Variants in SSH1 observed in about 807,000 individuals in gnomAD.
SSH1 encodes slingshot protein phosphatase 1.
In SSH1, 43 loss-of-function variants were observed where a neutral mutation model predicts 79.7. The ratio of observed to expected loss-of-function variants is 0.54; its 90% CI spans 0.42 to 0.70. The LOEUF (loss-of-function observed/expected upper bound fraction) is 0.70, where lower values mean the gene tolerates loss of function less well. Among genes scored for constraint, SSH1 ranks in the 30% least tolerant of loss-of-function variants. The pLI, the probability that SSH1 is intolerant of heterozygous loss-of-function variation, is 0.00. For synonymous variants in SSH1, 599 were observed against 538.3 expected (o/e 1.11, Z -1.56); for missense variants, 1,206 against 1,358.8 (o/e 0.89, Z 1.77).
chr12:108,789,862 T>C (rs762417478), intron 14 of SSH1, among the ~76,000 whole-genome samples: 20 of 152,152 alleles, frequency 1.3e-4, no homozygotes, highest in Admixed American at 1.1e-3. Context: ...TGTCTCTCTC[T>C]CTTTCAAACA....
Position 108,781,142 on chromosome 12 carries a change from G to C in SSH1, c.*6846C>G, listed in dbSNP as rs1275286334. On this transcript the variant is annotated 3_prime_UTR_variant, in exon 15 of 15. Coordinates refer to ENST00000326495, the MANE Select transcript of SSH1 (RefSeq NM_018984.4). ...ATAGAGATTTACCTAGAAGGGGCTGGGCACAGTGGCTCATGCCTATAATCT... is the reference window on the plus strand; with the variant it reads ...ATAGAGATTTACCTAGAAGGGGCTGCGCACAGTGGCTCATGCCTATAATCT... The C allele has an allele frequency of 1.3e-5, 2 of 152,156 alleles. No homozygotes were observed. The highest frequency in any genetic ancestry group is 2.9e-5 in the Non-Finnish European group (2 of 68,054). 9.4% of individuals were successfully genotyped at this position (152,156 alleles called of 1,614,324 possible). A position where few individuals can be genotyped will look rare whatever the true frequency, so the allele number is the denominator to read the frequency against.
chr12:108,795,186 G>C (rs978174801), intron 13 of SSH1, among the ~76,000 whole-genome samples: 2 of 152,102 alleles, frequency 1.3e-5, no homozygotes, highest in Non-Finnish European at 2.9e-5. Context: ...GACTTGCCTC[G>C]GTCATTTGGC....
Position 108,792,767 on chromosome 12 carries a change from T to A in SSH1, c.1412A>T (p.Asp471Val). The A allele has an allele frequency of 6.2e-7, 1 of 1,613,960 alleles. No homozygotes were observed. Among genetic ancestry groups the A allele is most frequent in the Non-Finnish European group, 8.5e-7 (1 of 1,180,034 alleles). Residue 471 changes from aspartate to valine, a missense_variant, in exon 14 of 15, where the codon GAT becomes GTT. By Grantham distance (152) the Asp-to-Val change is radical (BLOSUM62 -3). Transcript: ENST00000326495. ...GAAGTCGCCAGGTCCTGCAGGGTCATCCACAGGCTGCTGGAGGCTGCTGTC... is the reference window on the plus strand; with the variant it reads ...GAAGTCGCCAGGTCCTGCAGGGTCAACCACAGGCTGCTGGAGGCTGCTGTC... The part of the protein sequence containing the change: ...QTDSSLQQPV[D>V]DPAGPGDFLP...
At chr12:108,854,367 A>C (rs958903467) in intron 1 of SSH1, among the ~76,000 whole-genome samples, 4 of 152,252 alleles carry the variant, frequency 2.6e-5, no homozygotes, top group African/African-American at 9.6e-5. Flanking sequence ...TTTCTCAGAA[A>C]TAACAATGTT....
chr12:108,827,122 T>C (rs962179366), intron 2 of SSH1: 6 of 710,824 alleles, frequency 8.4e-6, no homozygotes, highest in Non-Finnish European at 1.3e-5. Flanking sequence ...AAGATTAAAG[T>C]TTCTCCAAAG....
rs1026917522 is a variant in SSH1 at position 108,785,855 on chromosome 12, G to C, written c.*2133C>G. The C allele has an allele frequency of 6.6e-6, 1 of 152,122 alleles. No homozygotes were observed. The allele number at this position is 152,122 out of a possible 1,614,324, so 9.4% of individuals were successfully genotyped here. ...GAAATTTGATTTGGCAAAACATACC[G>C]AACTTGATATTTTTTGAGGCTATGC... On this transcript the variant is annotated 3_prime_UTR_variant, in exon 15 of 15. Coordinates refer to ENST00000326495, the MANE Select transcript of SSH1 (RefSeq NM_018984.4).
At chr12:108,790,383 C>G (rs1183353784) in intron 14 of SSH1, among the ~76,000 whole-genome samples, 1 of 152,226 alleles carries the variant, frequency 6.6e-6, no homozygotes, top group East Asian at 1.9e-4. Flanking sequence ...CTCCTGACCT[C>G]AGATGATCTG....
chr12:108,783,356 CA>C lies in SSH1; in HGVS notation c.*4631del, dbSNP rs1417259344. The C allele has an allele frequency of 6.6e-6, 1 of 152,224 alleles. No homozygotes were observed. Among genetic ancestry groups the C allele is most frequent in the Non-Finnish European group, 1.5e-5 (1 of 68,048 alleles). The allele number at this position is 152,224 out of a possible 1,614,324, so 9.4% of individuals were successfully genotyped here. ...CAATGCTGACCACTACTGACAAGAC[CA>C]AGTATCCAATCATAACAGATGAGAC... On this transcript the variant is annotated 3_prime_UTR_variant, in exon 15 of 15. Transcript: ENST00000326495.
chr12:108,855,695 C>T lies in SSH1; in HGVS notation c.69+1733G>A, dbSNP rs530263137. Among the ~76,000 whole-genome samples, 5 of 152,240 alleles carry T rather than the reference C, an allele frequency of 3.3e-5. No individual in the cohort carries two copies. In the South Asian group the frequency reaches 6.2e-4, roughly 19 times the overall value. ...GCATAAATTGCCAGACAGCAGTGAC[C>T]GGAACAGAAAACAGCCCCTCCTCGC... On this transcript the variant is annotated intron_variant, in intron 1 of 14. Coordinates refer to ENST00000326495, the MANE Select transcript of SSH1 (RefSeq NM_018984.4).
At chr12:108,824,773 T>C (rs552918365) in intron 2 of SSH1, among the ~76,000 whole-genome samples, 1 of 152,346 alleles carries the variant, frequency 6.6e-6, no homozygotes, top group Non-Finnish European at 1.5e-5. Context: ...TTTTTATTTT[T>C]AATTTCACTT....
At chr12:108,813,818 G>GA (rs1385043052) in intron 5 of SSH1, among the ~76,000 whole-genome samples, 1 of 151,548 alleles carries the variant, frequency 6.6e-6, no homozygotes, top group African/African-American at 2.4e-5. Flanking sequence ...AAGCGAAGGG[G>GA]AAGGGGATAG....
intron 2 of SSH1, among the ~76,000 whole-genome samples, chr12:108,829,021 C>T (rs969639134): frequency 1.6e-4 from 24 of 152,174 alleles, no homozygotes; most frequent in African/African-American, 5.1e-4. Flanking sequence ...GTGACTGCCG[C>T]GCTTTAAGGT....
chr12:108,835,971 T>C, intron 2 of SSH1, among the ~76,000 whole-genome samples: 1 of 147,318 alleles, frequency 6.8e-6, no homozygotes, highest in East Asian at 1.9e-4. Context: ...ATAACTATAT[T>C]AATATAATCG....
intron 2 of SSH1, among the ~76,000 whole-genome samples, chr12:108,825,344 T>C (rs926599012): frequency 2.0e-5 from 3 of 152,182 alleles, no homozygotes; most frequent in Non-Finnish European, 4.4e-5. Context: ...AATTCTGGAA[T>C]AAAAAACTCA....
Position 108,783,793 on chromosome 12 carries a change from A to G in SSH1, c.*4195T>C, listed in dbSNP as rs2036195315. 1 of 152,274 alleles carries G rather than the reference A, an allele frequency of 6.6e-6. No individual in the cohort carries two copies. Among genetic ancestry groups the G allele is most frequent in the Admixed American group, 6.5e-5 (1 of 15,284 alleles). The allele number at this position is 152,274 out of a possible 1,614,324, so 9.4% of individuals were successfully genotyped here. On this transcript the variant is annotated 3_prime_UTR_variant, in exon 15 of 15. Coordinates refer to ENST00000326495, the MANE Select transcript of SSH1 (RefSeq NM_018984.4). ...ACACACAGGCATTCCACTGCAGAGC[A>G]GATGATAACAAAACAAGTGGCTGGG...
chr12:108,808,687 T>C (rs1220588534), intron 7 of SSH1, among the ~76,000 whole-genome samples: 2 of 152,156 alleles, frequency 1.3e-5, no homozygotes, highest in African/African-American at 4.8e-5. Flanking sequence ...TCTAATAGCT[T>C]AGATGCTTAG....
intron 3 of SSH1, among the ~76,000 whole-genome samples, chr12:108,820,377 T>A (rs2137172859): frequency 6.6e-6 from 1 of 152,312 alleles, no homozygotes; most frequent in Non-Finnish European, 1.5e-5. Flanking sequence ...CCACCCGTCA[T>A]GTCACCAATG....
intron 14 of SSH1, among the ~76,000 whole-genome samples, chr12:108,789,868 A>G (rs991347765): frequency 3.9e-5 from 6 of 152,116 alleles, no homozygotes; most frequent in Non-Finnish European, 5.9e-5. Flanking sequence ...TCTCTCTTTC[A>G]AACAGATAAG....
Position 108,789,054 on chromosome 12 carries a change from G to C in SSH1, c.2084C>G (p.Ala695Gly). 1 of 1,610,160 alleles carries C rather than the reference G, an allele frequency of 6.2e-7. No homozygotes were observed. The highest frequency in any genetic ancestry group is 8.5e-7 in the Non-Finnish European group (1 of 1,177,020). ...CTTCTCCGGAACACGGGACCTGCTG[G>C]CCAAGTGGGCCACAGGGGAGGACGT... ...HITSSPVAHL[A>G]SRSRVPEKPA... The change falls in exon 15 of 15, where the codon GCC becomes GGC. Residue 695 changes from alanine to glycine, a missense_variant. Transcript: ENST00000326495.
Sources: gnomAD v4.1 joint callset for allele counts (sites outside exome capture counted in the v4.1 genomes callset) on GRCh38, gnomAD v4.1.1 for gene constraint, MANE v1.5 for transcripts, NCBI Gene and HGNC (gene_info 2026-07-23, HGNC 2026-07-21) for gene names.